Variants in POLR2C observed in about 807,000 individuals in gnomAD.
The protein encoded by POLR2C is RNA polymerase II subunit C.
POLR2C carries 36 observed loss-of-function variants against 41.7 expected under a neutral mutation model. That is an observed-to-expected ratio of 0.86 (90% CI 0.66 to 1.14). POLR2C has a LOEUF of 1.14. POLR2C is among the 50% of genes most tolerant of loss of function. The pLI, the probability that POLR2C is intolerant of heterozygous loss-of-function variation, is 0.00. For missense variants in POLR2C, 260 were observed against 350.4 expected, an observed-to-expected ratio of 0.74 and a Z score of 2.06; for synonymous variants, 133 against 137.8, an observed-to-expected ratio of 0.96 and a Z score of 0.25.
chr16:57,463,968 T>A, intron 2 of POLR2C: 1 of 166,776 alleles, frequency 6.0e-6, no homozygotes, highest in South Asian at 1.1e-4. Flanking sequence ...AAGAAGATAG[T>A]GGCTTCCAGC....
rs1383998432 is a variant in POLR2C, at chr16:57,462,698, C to T, written c.-27C>T. 1.6e-5 allele frequency: 25 copies of T among 1,555,472 alleles called. No homozygotes were observed. Among genetic ancestry groups the T allele is most frequent in the Non-Finnish European group, 2.1e-5 (24 of 1,143,764 alleles). On this transcript the variant is annotated 5_prime_UTR_variant, in exon 1 of 9. The change creates a new upstream start codon in the 5' untranslated region. Transcript: ENST00000219252. ...CGCCGCGCAGTCACCGCGGAGCAGA[C>T]GCGGAGGCTGGTGGCCCCTGGGCGA... is the stretch of plus-strand genomic sequence containing the variant.
chr16:57,468,344 G>C (rs1165251205), intron 4 of POLR2C, among the ~76,000 whole-genome samples: 1 of 152,210 alleles, frequency 6.6e-6, no homozygotes, highest in East Asian at 1.9e-4. Flanking sequence ...AAGTGATTCT[G>C]TCTCAAGGGT....
rs574729712 is a variant in POLR2C at position 57,462,829 on chromosome 16, G to C, written c.86+19G>C. The C allele has an allele frequency of 6.3e-7, 1 of 1,592,760 alleles. No individual in the cohort carries two copies. The highest frequency in any genetic ancestry group is 8.6e-7 in the Non-Finnish European group (1 of 1,167,044). On this transcript the variant is annotated intron_variant, in intron 1 of 8. Coordinates refer to ENST00000219252, the MANE Select transcript of POLR2C (RefSeq NM_032940.3). Reference sequence around the variant, plus strand: ...ACCTGGCGTAAGGCTACCGAGGGAAGAGGCTGGCGGCTCTGGGGCGCCGGG... The same window carrying C: ...ACCTGGCGTAAGGCTACCGAGGGAACAGGCTGGCGGCTCTGGGGCGCCGGG...
intron 2 of POLR2C, among the ~76,000 whole-genome samples, chr16:57,465,436 C>A (rs551112835): frequency 6.6e-6 from 1 of 152,270 alleles, no homozygotes; most frequent in African/African-American, 2.4e-5. Flanking sequence ...GGATTGGGTT[C>A]TATATTTAGT....
chr16:57,465,147 A>T (rs2030674268), intron 2 of POLR2C, among the ~76,000 whole-genome samples: 1 of 152,150 alleles, frequency 6.6e-6, no homozygotes, highest in East Asian at 1.9e-4. Flanking sequence ...AAAGAGGCAG[A>T]AAAGCTTGGG....
chr16:57,470,432 C>A, intron 8 of POLR2C, 78 bp downstream of exon 8: 1 of 1,015,456 alleles, frequency 9.8e-7, no homozygotes. Flanking sequence ...GTTAGGCATT[C>A]CCTCTCCCCC....
At position 57,469,175 on chromosome 16, in the gene POLR2C, G is replaced by T; in HGVS notation, c.269G>T (p.Cys90Phe). The change falls in exon 5 of 9, where the codon TGT becomes TTT. Residue 90 changes from cysteine (C) to phenylalanine (F), a missense_variant. Transcript: ENST00000219252. This position sits in a 1 kb window ranked among gnomAD's most constrained non-coding sequence, Gnocchi z 5.8. Reference sequence around the variant, plus strand: ...CCCTTCCTGCCTTAGGACTGCACATGTGAGGAGTTCTGCCCCGAGTGCTCG... The same window carrying T: ...CCCTTCCTGCCTTAGGACTGCACATTTGAGGAGTTCTGCCCCGAGTGCTCG... ...DKLQYSRDCTCEEFCPECSVE... is the reference protein window; with the variant it reads ...DKLQYSRDCTFEEFCPECSVE... The T allele has an allele frequency of 1.2e-6, 2 of 1,614,126 alleles. No individual in the cohort carries two copies. Among genetic ancestry groups the T allele is most frequent in the Non-Finnish European group, 1.7e-6 (2 of 1,180,008 alleles).
intron 4 of POLR2C, among the ~76,000 whole-genome samples, chr16:57,466,626 G>T (rs902574986): frequency 2.0e-5 from 3 of 152,164 alleles, no homozygotes; most frequent in African/African-American, 7.2e-5. Flanking sequence ...GGTGTCTGCA[G>T]ATTCATGCTG....
rs1303934071 is a variant in POLR2C at position 57,469,766 on chromosome 16, G to T, written c.439+5G>T. 6.2e-7 allele frequency: 1 copy of T among 1,611,216 alleles called. No homozygotes were observed. Among genetic ancestry groups the T allele is most frequent in the South Asian group, 1.1e-5 (1 of 91,060 alleles). ...ATGACTACGTGGAGCAGGATGGTAA[G>T]TCTTCCTGACCTGTCACCGTGTGGG... On this transcript the variant is annotated splice_donor_5th_base_variant and intron_variant, in intron 6 of 8. Transcript: ENST00000219252. This position sits in a 1 kb window ranked among gnomAD's most constrained non-coding sequence, Gnocchi z 5.8.
chr16:57,470,959 G>A lies in POLR2C; in HGVS notation c.684-16G>A. The A allele has an allele frequency of 6.2e-7, 1 of 1,611,490 alleles. No individual in the cohort carries two copies. The highest frequency in any genetic ancestry group is 2.2e-5 in the East Asian group (1 of 44,884). On this transcript the variant is annotated splice_polypyrimidine_tract_variant and intron_variant, in intron 8 of 8. Coordinates refer to ENST00000219252, the MANE Select transcript of POLR2C (RefSeq NM_032940.3). ...AGCCTGCCTCGCAGTGCACTCACTG[G>A]ACTCTTGCCTCCTAGGTTTTACTAC... is the stretch of plus-strand genomic sequence containing the variant.
At chr16:57,467,221 A>G (rs1335634515) in intron 4 of POLR2C, among the ~76,000 whole-genome samples, 1 of 152,250 alleles carries the variant, frequency 6.6e-6, no homozygotes, top group African/African-American at 2.4e-5. Context: ...TGACAAAGTG[A>G]GACTCCGTCT....
intron 2 of POLR2C, among the ~76,000 whole-genome samples, chr16:57,464,370 T>C (rs2030653466): frequency 6.6e-6 from 1 of 152,118 alleles, no homozygotes; most frequent in African/African-American, 2.4e-5. Context: ...TAAAGCAAGG[T>C]AGATTTTGAT....
intron 2 of POLR2C, among the ~76,000 whole-genome samples, chr16:57,464,759 G>A (rs1333208603): frequency 6.9e-6 from 1 of 144,124 alleles, no homozygotes; most frequent in Non-Finnish European, 1.5e-5. Flanking sequence ...AGTTTCATCA[G>A]GAGTCAGGTG....
At chr16:57,467,283 T>A (rs189602180) in intron 4 of POLR2C, among the ~76,000 whole-genome samples, 6 of 152,360 alleles carry the variant, frequency 3.9e-5, no homozygotes, top group African/African-American at 1.2e-4. Context: ...GTGTAATAAA[T>A]ACTCATGCTT....
chr16:57,469,913 G>A lies in POLR2C; in HGVS notation c.440-48G>A. ...GTGGCACTCCAAGTCAGAATTTGGAGAAGCATGTCTCTCCTGGCCCTTGAC... is the reference window on the plus strand; with the variant it reads ...GTGGCACTCCAAGTCAGAATTTGGAAAAGCATGTCTCTCCTGGCCCTTGAC... On this transcript the variant is annotated intron_variant, in intron 6 of 8. Coordinates refer to ENST00000219252, the MANE Select transcript of POLR2C (RefSeq NM_032940.3). The surrounding 1 kb of genome is among the most constrained non-coding windows in gnomAD (Gnocchi z 5.8). 2 of 1,605,142 alleles carry A rather than the reference G, an allele frequency of 1.2e-6. No homozygotes were observed. The highest frequency in any genetic ancestry group is 2.2e-5 in the East Asian group (1 of 44,784).
intron 4 of POLR2C, among the ~76,000 whole-genome samples, chr16:57,468,208 A>T (rs1399561506): frequency 6.6e-6 from 1 of 152,154 alleles, no homozygotes; most frequent in African/African-American, 2.4e-5. Context: ...TTGTAGAGAC[A>T]GTCTTGCCAT....
In POLR2C at chr16:57,469,017, C is replaced by A; in HGVS notation, c.259-148C>A. On this transcript the variant is annotated intron_variant, in intron 4 of 8. Coordinates refer to ENST00000219252, the MANE Select transcript of POLR2C (RefSeq NM_032940.3). The surrounding 1 kb of genome is among the most constrained non-coding windows in gnomAD (Gnocchi z 5.8). ...AGAATGGTATACCAGATTGTCACAG[C>A]CCACAAGAACCTGGATACTGATGAA... is the stretch of plus-strand genomic sequence containing the variant. The A allele has an allele frequency of 1.4e-6, 1 of 710,806 alleles. No homozygotes were observed. Among genetic ancestry groups the A allele is most frequent in the Non-Finnish European group, 2.3e-6 (1 of 429,892 alleles). The allele number at this position is 710,806 out of a possible 1,614,324, so 44.0% of individuals were successfully genotyped here. A position where few individuals can be genotyped will look rare whatever the true frequency, so the allele number is the denominator to read the frequency against.
intron 4 of POLR2C, 84 bp downstream of exon 4, chr16:57,466,311 A>G: frequency 1.1e-6 from 1 of 874,970 alleles, no homozygotes; most frequent in Non-Finnish European, 1.8e-6. Flanking sequence ...TTTGGCATCC[A>G]GCTTGAATAC....
chr16:57,470,094 C>T lies in POLR2C; in HGVS notation c.573C>T (p.Ala191=), dbSNP rs1172113043. 1.2e-6 allele frequency: 2 copies of T among 1,613,990 alleles called. No homozygotes were observed. Among genetic ancestry groups the T allele is most frequent in the African/African-American group, 1.3e-5 (1 of 74,890 alleles). The stretch of plus-strand genomic sequence containing the variant: ...CTTTTGAATACGATCCAGACAATGC[C>T]CTGAGGCACACAGTGTACCCCAAGC... ...GVAFEYDPDN[A]LRHTVYPKPE... Residue 191 remains alanine, a synonymous_variant, in exon 7 of 9, where the codon GCC becomes GCT. Transcript: ENST00000219252.
Sources: gnomAD v4.1 joint callset for allele counts (sites outside exome capture counted in the v4.1 genomes callset) on GRCh38, gnomAD v4.1.1 for gene constraint, Gnocchi (gnomAD v3.1) non-coding constraint, MANE v1.5 for transcripts, NCBI Gene and HGNC (gene_info 2026-07-23, HGNC 2026-07-21) for gene names.